The following SLC60A2 variants were observed in gnomAD, a reference collection of about 807,000 sequenced individuals.
SLC60A2 encodes major facilitator superfamily domain containing 4B.
chr6:111,266,307 G>A, the SLC60A2 span: 1 of 1,614,014 alleles, frequency 6.2e-7, no homozygotes, highest in Non-Finnish European at 8.5e-7. Context: ...GGTAACATAT[G>A]GCTCTTATGT....
At chr6:111,264,762 T>G in the SLC60A2 span, among the ~76,000 whole-genome samples, 2 of 137,104 alleles carry the variant, frequency 1.5e-5, no homozygotes, top group Non-Finnish European at 3.1e-5. Flanking sequence ...CACTTCAGCC[T>G]GGGTGACAGA....
At chr6:111,272,407 T>C in the SLC60A2 span, among the ~76,000 whole-genome samples, 1 of 152,212 alleles carries the variant, frequency 6.6e-6, no homozygotes. Flanking sequence ...TTAGGAAAAT[T>C]CCACATCTTG....
the SLC60A2 span, among the ~76,000 whole-genome samples, chr6:111,279,229 T>C: frequency 1.3e-5 from 2 of 152,100 alleles, no homozygotes; most frequent in Non-Finnish European, 2.9e-5. Context: ...ATGCCACTTT[T>C]GTAGATCCTT....
At chr6:111,269,295 G>C in the SLC60A2 span, 2 of 152,456 alleles carry the variant, frequency 1.3e-5, no homozygotes, top group Non-Finnish European at 2.9e-5. Flanking sequence ...TGCCTCCCTG[G>C]TTCAAGCGAT....
At chr6:111,265,822 T>A in the SLC60A2 span, 1 of 1,466,360 alleles carries the variant, frequency 6.8e-7, no homozygotes, top group Non-Finnish European at 9.2e-7. Flanking sequence ...CTTTTTTTTT[T>A]AATAAGTAAG....
the SLC60A2 span, among the ~76,000 whole-genome samples, chr6:111,265,041 C>A: frequency 6.6e-6 from 1 of 152,092 alleles, no homozygotes; most frequent in Non-Finnish European, 1.5e-5. Flanking sequence ...TGCAGAGAGC[C>A]ACGATTGTGC....
the SLC60A2 span, chr6:111,267,544 G>A: frequency 1.2e-4 from 19 of 158,222 alleles, no homozygotes; most frequent in South Asian, 1.9e-4. Context: ...GAAATGGGCC[G>A]GGTGCAGTGG....
the SLC60A2 span, chr6:111,259,612 C>G: frequency 1.3e-5 from 19 of 1,435,976 alleles, no homozygotes; most frequent in Admixed American, 2.2e-5. Context: ...GCGGAGGCCC[C>G]GGCGGAGAAT....
chr6:111,266,826 A>G, the SLC60A2 span: 1 of 1,613,984 alleles, frequency 6.2e-7, no homozygotes, highest in Non-Finnish European at 8.5e-7. Flanking sequence ...AGACAGAAAG[A>G]GTGAGGACCA....
At chr6:111,261,766 G>C in the SLC60A2 span, among the ~76,000 whole-genome samples, 1 of 151,918 alleles carries the variant, frequency 6.6e-6, no homozygotes, top group South Asian at 2.1e-4. Flanking sequence ...GCTAATTTTT[G>C]TATTTTTAGT....
the SLC60A2 span, among the ~76,000 whole-genome samples, chr6:111,279,362 C>T: frequency 5.3e-5 from 8 of 151,774 alleles, no homozygotes; most frequent in Admixed American, 3.3e-4. Flanking sequence ...CCCGGGTTCA[C>T]GCCATTCTCC....
At chr6:111,266,974 C>T in the SLC60A2 span, 1 of 1,614,170 alleles carries the variant, frequency 6.2e-7, no homozygotes, top group Admixed American at 1.7e-5. Context: ...ATAGAGACAT[C>T]TAGAAGTAGT....
the SLC60A2 span, chr6:111,267,025 C>T: frequency 6.2e-7 from 1 of 1,614,178 alleles, no homozygotes; most frequent in Non-Finnish European, 8.5e-7. Context: ...CAATACCCAT[C>T]AAATGCACTG....
chr6:111,272,722 G>A, the SLC60A2 span, among the ~76,000 whole-genome samples: 2,050 of 151,992 alleles, frequency 0.013, 27 homozygotes, highest in Non-Finnish European at 0.019. Flanking sequence ...ATGTTGGTCA[G>A]GCTGGTCTCG....
the SLC60A2 span, among the ~76,000 whole-genome samples, chr6:111,275,072 GCCACCTTA>G: frequency 2.3e-3 from 334 of 145,250 alleles, 1 homozygote; most frequent in African/African-American, 7.9e-3. Flanking sequence ...ACAGTTGCAT[GCCACCTTA>G]CCTGGCTTTT....
chr6:111,267,131 T>C, the SLC60A2 span: 2 of 1,584,872 alleles, frequency 1.3e-6, no homozygotes. Context: ...GAAGATGGAT[T>C]ACTCACTGAC....
At chr6:111,264,612 C>A in the SLC60A2 span, among the ~76,000 whole-genome samples, 4 of 151,746 alleles carry the variant, frequency 2.6e-5, no homozygotes, top group African/African-American at 9.7e-5. Context: ...CACAATGAAA[C>A]CTCATCTCTA....
At chr6:111,269,298 C>T in the SLC60A2 span, 1 of 152,492 alleles carries the variant, frequency 6.6e-6, no homozygotes, top group African/African-American at 2.4e-5. Flanking sequence ...CTCCCTGGTT[C>T]AAGCGATTCT....
At chr6:111,264,000 A>G in the SLC60A2 span, 4 of 920,680 alleles carry the variant, frequency 4.3e-6, no homozygotes, top group African/African-American at 4.9e-5. Context: ...TAGAAGAAGT[A>G]CAGCAGATGA....
Sources: gnomAD v4.1 joint callset for allele counts (sites outside exome capture counted in the v4.1 genomes callset) on GRCh38, gnomAD v4.1.1 for gene constraint, MANE v1.5 for transcripts, NCBI Gene and HGNC (gene_info 2026-07-23, HGNC 2026-07-21) for gene names.